The following PDE10A variants were observed in gnomAD, a reference collection of about 807,000 sequenced individuals.
PDE10A encodes the protein cAMP and cAMP-inhibited cGMP 3',5'-cyclic phosphodiesterase 10A.
In PDE10A, 39 loss-of-function variants were observed where a neutral mutation model predicts 97.7. The ratio of observed to expected loss-of-function variants is 0.40; its 90% confidence interval spans 0.31 to 0.52. The LOEUF is 0.52. PDE10A is among the 20% of genes least tolerant of loss of function. PDE10A has a pLI of 0.56. For synonymous variants in PDE10A, 371 were observed against 376.8 expected (o/e 0.98, Z 0.18); for missense variants, 731 against 1,047.8 (o/e 0.70, Z 4.17).
intron 1 of PDE10A, among the ~76,000 whole-genome samples, chr6:165,972,876 T>C (rs1333674301): frequency 6.6e-6 from 1 of 152,178 alleles, no homozygotes; most frequent in African/African-American, 2.4e-5. Flanking sequence ...AAAAATGTGT[T>C]TGACAAGAGT....
At chr6:165,409,636 G>C (rs1787566108) in intron 13 of PDE10A, 1 of 155,956 alleles carries the variant, frequency 6.4e-6, no homozygotes, top group African/African-American at 2.4e-5. Flanking sequence ...GGCCTGGTTA[G>C]TACTTGGATG....
intron 2 of PDE10A, among the ~76,000 whole-genome samples, chr6:165,539,497 G>T (rs9457100): frequency 6.6e-6 from 1 of 152,150 alleles, no homozygotes; most frequent in Admixed American, 6.5e-5. Flanking sequence ...TAGAAGAAAG[G>T]AATAAATTAC....
chr6:165,753,213 T>A (rs1382643698), intron 1 of PDE10A, among the ~76,000 whole-genome samples: 10 of 152,234 alleles, frequency 6.6e-5, no homozygotes, highest in Non-Finnish European at 1.5e-4. Context: ...GTTTAGCCAT[T>A]AGAAATGCAA....
intron 6 of PDE10A, 23 bp from the exon 7 acceptor site, chr6:165,433,152 G>T: frequency 6.3e-7 from 1 of 1,584,000 alleles, no homozygotes; most frequent in Non-Finnish European, 8.6e-7. Context: ...AAGACAAAAA[G>T]ACATAAATTC....
At chr6:165,929,678 C>G (rs1490436457) in intron 1 of PDE10A, among the ~76,000 whole-genome samples, 1 of 152,218 alleles carries the variant, frequency 6.6e-6, no homozygotes, top group Non-Finnish European at 1.5e-5. Context: ...TTTGGATAAA[C>G]ACAGCCAACT....
At chr6:165,636,712 TGCCC>T (rs1788896173) in intron 1 of PDE10A, among the ~76,000 whole-genome samples, 1 of 152,244 alleles carries the variant, frequency 6.6e-6, no homozygotes, top group African/African-American at 2.4e-5. Flanking sequence ...TTTATGCATC[TGCCC>T]GAACACATTT....
intron 3 of PDE10A, among the ~76,000 whole-genome samples, chr6:165,459,622 T>G (rs1474575295): frequency 2.6e-5 from 4 of 152,040 alleles, no homozygotes; most frequent in African/African-American, 9.6e-5. Context: ...CAGATTTGGC[T>G]GCTCAGGATA....
At position 165,399,479 on chromosome 6, in the gene PDE10A, C is replaced by T. The variant is rs184383207; in HGVS notation, c.2077-3020G>A. On this transcript the variant is annotated intron_variant, in intron 13 of 21. Coordinates refer to ENST00000539869, the MANE Select transcript of PDE10A (RefSeq NM_001385079.1). ...TAAGTTTTAGGGTACATGTGCACAA[C>T]GTGCAGGTTTGTTACATATGTATAC... Among the ~76,000 whole-genome samples, 871 of 152,238 alleles carry T rather than the reference C, an allele frequency of 5.7e-3. 6 individuals are homozygous for T. The highest frequency in any genetic ancestry group is 0.024 in the Middle Eastern group (7 of 294).
chr6:165,390,881 C>T (rs1232347010), intron 16 of PDE10A, among the ~76,000 whole-genome samples: 1 of 152,176 alleles, frequency 6.6e-6, no homozygotes, highest in East Asian at 1.9e-4. Context: ...AACAATCATA[C>T]TCGCCTGGCA....
rs539440973 is a variant in PDE10A, at chr6:165,331,749, A to T, written c.*1276T>A. On this transcript the variant is annotated 3_prime_UTR_variant, in exon 22 of 22. Transcript: ENST00000539869. ...GCAGAGTATTACTTTCGTATTTTTT[A>T]AAACACTTACATTGTATAGTAATAC... 6.6e-6 allele frequency: 1 copy of T among 152,342 alleles called. No homozygotes were observed. The highest frequency in any genetic ancestry group is 2.1e-4 in the South Asian group (1 of 4,826). 9.4% of individuals were successfully genotyped at this position (152,342 alleles called of 1,614,324 possible).
intron 3 of PDE10A, among the ~76,000 whole-genome samples, chr6:165,476,379 T>C (rs1448631938): frequency 2.6e-5 from 4 of 152,016 alleles, no homozygotes; most frequent in Non-Finnish European, 4.4e-5. Flanking sequence ...ACACCCAAAA[T>C]ACAGAAGTAA....
At chr6:165,434,016 CAAAAAAAAA>C (rs759945561) in intron 6 of PDE10A, among the ~76,000 whole-genome samples, 1,149 of 54,594 alleles carry the variant, frequency 0.021, 39 homozygotes, top group African/African-American at 0.088. Flanking sequence ...GACTCCGTCT[CAAAAAAAAA>C]AAAAAAAAAA....
At chr6:165,590,898 G>GA (rs971970569) in intron 1 of PDE10A, among the ~76,000 whole-genome samples, 181 of 148,838 alleles carry the variant, frequency 1.2e-3, no homozygotes, top group African/African-American at 3.6e-3. Context: ...CTCAAAAATA[G>GA]AAAAAAAAAA....
chr6:165,689,316 T>A (rs1274102360), intron 1 of PDE10A, among the ~76,000 whole-genome samples: 1 of 152,194 alleles, frequency 6.6e-6, no homozygotes, highest in African/African-American at 2.4e-5. Context: ...GTGTGAGTGC[T>A]TTTTATGAAT....
intron 2 of PDE10A, among the ~76,000 whole-genome samples, chr6:165,497,263 A>G (rs1780594997): frequency 6.6e-6 from 1 of 152,158 alleles, no homozygotes; most frequent in Non-Finnish European, 1.5e-5. Flanking sequence ...AAACAGAATG[A>G]CACCATCCCA....
chr6:165,692,103 C>T (rs1791316607), intron 1 of PDE10A, among the ~76,000 whole-genome samples: 1 of 152,156 alleles, frequency 6.6e-6, no homozygotes, highest in African/African-American at 2.4e-5. Context: ...GGTTAATCCT[C>T]AAATATAGAC....
At chr6:165,775,900 G>T (rs1003740726) in intron 1 of PDE10A, 2 of 152,090 alleles carry the variant, frequency 1.3e-5, no homozygotes, top group East Asian at 3.9e-4. Flanking sequence ...AGAAAAAATG[G>T]CCAGTAACTG....
At chr6:165,350,613 G>A (rs1253756236) in intron 18 of PDE10A, among the ~76,000 whole-genome samples, 1 of 152,176 alleles carries the variant, frequency 6.6e-6, no homozygotes, top group Admixed American at 6.5e-5. Context: ...GAAGGGGGCA[G>A]GGGCAGAATG....
chr6:165,874,845 G>A (rs1274223277), intron 1 of PDE10A, among the ~76,000 whole-genome samples: 2 of 152,010 alleles, frequency 1.3e-5, no homozygotes, highest in Non-Finnish European at 2.9e-5. Context: ...AATTCCCAAA[G>A]GCAATTTATA....
Sources: allele counts gnomAD v4.1 joint callset (sites outside exome capture counted in the v4.1 genomes callset), GRCh38; gene constraint gnomAD v4.1.1; transcripts MANE v1.5; gene names NCBI Gene and HGNC (gene_info 2026-07-23, HGNC 2026-07-21).